The following FSTL5 variants were observed in gnomAD, a reference collection of about 807,000 sequenced individuals.
The protein encoded by FSTL5 is follistatin-related protein 5.
FSTL5 carries 62 observed loss-of-function variants against 89.1 expected under a neutral mutation model. The observed-to-expected ratio is 0.70, with a 90% CI of 0.57 to 0.86. The LOEUF is 0.86. Among genes scored for constraint, FSTL5 ranks in the 40% least tolerant of loss-of-function variants. The pLI is 0.00. For synonymous variants in FSTL5, 383 were observed against 346.2 expected (o/e 1.11, Z -1.18); for missense variants, 1,057 against 1,001.6 (o/e 1.06, Z -0.75).
chr4:162,017,957 C>G (rs1736964500), intron 3 of FSTL5, among the ~76,000 whole-genome samples: 1 of 152,058 alleles, frequency 6.6e-6, no homozygotes, highest in African/African-American at 2.4e-5. Flanking sequence ...ATCTCGAGCC[C>G]CTTGCTTTGC....
chr4:161,971,349 A>G (rs1177335884), intron 3 of FSTL5, among the ~76,000 whole-genome samples: 1 of 152,150 alleles, frequency 6.6e-6, no homozygotes, highest in Admixed American at 6.5e-5. Context: ...TATGTTACAA[A>G]TCCCATAGTA....
intron 3 of FSTL5, among the ~76,000 whole-genome samples, chr4:161,976,137 A>G (rs1197733737): frequency 6.6e-6 from 1 of 151,562 alleles, no homozygotes; most frequent in Admixed American, 6.6e-5. Context: ...AAAAAAAAAA[A>G]AAGATTACCT....
rs116748847 is a variant in FSTL5 at position 161,557,108 on chromosome 4, T to A, written c.1016-14415A>T. On this transcript the variant is annotated intron_variant, in intron 8 of 15. Transcript: ENST00000306100. ...GGATAATTAATTTTTGAAAAAGCACTCTTAAATAAAGCAATAGTACCCTTG... is the reference window on the plus strand; with the variant it reads ...GGATAATTAATTTTTGAAAAAGCACACTTAAATAAAGCAATAGTACCCTTG... Among the ~76,000 whole-genome samples, 1,202 of 151,512 alleles carry A rather than the reference T, an allele frequency of 7.9e-3. 20 individuals are homozygous for A. Among genetic ancestry groups the A allele is most frequent in the African/African-American group, 0.028 (1,161 of 41,464 alleles).
chr4:162,056,346 C>A (rs1022294181), intron 2 of FSTL5, among the ~76,000 whole-genome samples: 9 of 151,886 alleles, frequency 5.9e-5, no homozygotes, highest in African/African-American at 2.2e-4. Flanking sequence ...ATCAGTAACC[C>A]ATTTCTAGAG....
intron 12 of FSTL5, chr4:161,495,469 T>C (rs1730034545): frequency 6.6e-6 from 1 of 152,120 alleles, no homozygotes; most frequent in African/African-American, 2.4e-5. Context: ...CAAGATGAAA[T>C]CATGTGTACA....
chr4:161,641,878 G>GA (rs1323910518), intron 7 of FSTL5, among the ~76,000 whole-genome samples: 1 of 151,758 alleles, frequency 6.6e-6, no homozygotes, highest in East Asian at 1.9e-4. Context: ...ATAAGAAAAT[G>GA]AAAAAATAAT....
Position 162,066,894 on chromosome 4 carries a change from C to A in FSTL5, c.127-33236G>T, listed in dbSNP as rs571885590. Among the ~76,000 whole-genome samples the A allele has an allele frequency of 4.6e-5, 7 of 152,136 alleles. No individual in the cohort carries two copies. The South Asian group carries it at 1.5e-3, about 32-fold the overall frequency. ...TGTAAATAGTTCTGCATTAAACATA[C>A]ATGTGCATGTGTCTTTATAGTAGAA... On this transcript the variant is annotated intron_variant, in intron 2 of 15. Transcript: ENST00000306100.
intron 4 of FSTL5, among the ~76,000 whole-genome samples, chr4:161,899,941 T>G: frequency 6.6e-6 from 1 of 152,170 alleles, no homozygotes; most frequent in Non-Finnish European, 1.5e-5. Context: ...ACTCCTGTAA[T>G]ACCAGCAAAA....
intron 4 of FSTL5, among the ~76,000 whole-genome samples, chr4:161,843,731 G>C (rs745455625): frequency 2.0e-5 from 3 of 152,052 alleles, no homozygotes; most frequent in Non-Finnish European, 2.9e-5. Context: ...TGGGAAAACT[G>C]GCTAGCCATG....
chr4:161,794,249 G>A (rs957291843), intron 4 of FSTL5, among the ~76,000 whole-genome samples: 1 of 152,056 alleles, frequency 6.6e-6, no homozygotes. Context: ...CATTCTAGAT[G>A]ATTTATATGT....
chr4:161,805,492 A>C (rs116755895), intron 4 of FSTL5, among the ~76,000 whole-genome samples: 4,927 of 152,168 alleles, frequency 0.032, 94 homozygotes, highest in African/African-American at 0.049. Context: ...CAAATGTTGC[A>C]GAGTTTGGTA....
intron 15 of FSTL5, among the ~76,000 whole-genome samples, chr4:161,423,989 T>TG (rs1732080408): frequency 6.6e-6 from 1 of 150,972 alleles, no homozygotes; most frequent in Non-Finnish European, 1.5e-5. Flanking sequence ...CCCAAGTAGT[T>TG]GGGACTACAG....
At chr4:161,567,801 T>C (rs555778030) in intron 8 of FSTL5, among the ~76,000 whole-genome samples, 1 of 36,146 alleles carries the variant, frequency 2.8e-5, no homozygotes, top group Admixed American at 2.5e-4. Context: ...AACAAGAGAA[T>C]CTACACGTCT....
At chr4:162,002,793 TG>T (rs376064088) in intron 3 of FSTL5, among the ~76,000 whole-genome samples, 83 of 142,238 alleles carry the variant, frequency 5.8e-4, no homozygotes, top group African/African-American at 1.4e-3. Flanking sequence ...TTATTATTGT[TG>T]TTTTTTTTTT....
At chr4:161,749,150 T>C (rs1740307347) in intron 6 of FSTL5, among the ~76,000 whole-genome samples, 1 of 152,042 alleles carries the variant, frequency 6.6e-6, no homozygotes, top group South Asian at 2.1e-4. Context: ...GAACTACCAT[T>C]TGACCCATCA....
chr4:162,135,882 C>A (rs1732501577), intron 1 of FSTL5, among the ~76,000 whole-genome samples: 1 of 151,948 alleles, frequency 6.6e-6, no homozygotes, highest in African/African-American at 2.4e-5. Context: ...GTTCAAAAAT[C>A]TCTTTCATTT....
At chr4:161,463,544 A>G (rs1370846969) in intron 13 of FSTL5, among the ~76,000 whole-genome samples, 2 of 152,330 alleles carry the variant, frequency 1.3e-5, no homozygotes, top group East Asian at 3.9e-4. Context: ...CAGAAAAGCC[A>G]GTATGTTACT....
At chr4:161,987,381 G>C (rs1268565348) in intron 3 of FSTL5, among the ~76,000 whole-genome samples, 1 of 150,712 alleles carries the variant, frequency 6.6e-6, no homozygotes, top group Non-Finnish European at 1.5e-5. Flanking sequence ...AGATATTTTA[G>C]AATGGCGGGG....
intron 4 of FSTL5, among the ~76,000 whole-genome samples, chr4:161,875,890 C>T (rs2126905057): frequency 6.6e-6 from 1 of 152,182 alleles, no homozygotes; most frequent in African/African-American, 2.4e-5. Context: ...GTTTGATCTA[C>T]AAAAGTGGTT....
Sources: allele counts gnomAD v4.1 joint callset (sites outside exome capture counted in the v4.1 genomes callset), GRCh38; gene constraint gnomAD v4.1.1; transcripts MANE v1.5; gene names NCBI Gene and HGNC (gene_info 2026-07-23, HGNC 2026-07-21).